Variants in PSD3 observed in about 807,000 individuals in gnomAD.
PSD3 encodes PH and SEC7 domain-containing protein 3.
PSD3 carries 49 observed loss-of-function variants against 105.5 expected under a neutral mutation model. That is an observed-to-expected ratio of 0.46 (90% CI 0.37 to 0.59). PSD3 has a LOEUF of 0.59. Among genes scored for constraint, PSD3 ranks in the 20% least tolerant of loss-of-function variants. The probability of loss-of-function intolerance (pLI) is 0.00; values close to 1 mark genes in which losing one functional copy is unlikely to be tolerated. For missense variants in PSD3, 1,561 were observed against 1,263.8 expected, an observed-to-expected ratio of 1.24 and a Z score of -3.57; for synonymous variants, 557 against 457.8, an observed-to-expected ratio of 1.22 and a Z score of -2.77.
At chr8:19,064,599 A>C (rs1829015813) in intron 1 of PSD3, among the ~76,000 whole-genome samples, 1 of 152,216 alleles carries the variant, frequency 6.6e-6, no homozygotes, top group African/African-American at 2.4e-5. Flanking sequence ...GCTGCTCAGC[A>C]GATTAATCTT....
chr8:18,725,998 G>C (rs185609281), intron 9 of PSD3, among the ~76,000 whole-genome samples: 2 of 152,304 alleles, frequency 1.3e-5, no homozygotes, highest in African/African-American at 4.8e-5. Context: ...AAAACAGCTT[G>C]AGGTAACAAC....
In PSD3 at chr8:19,080,062, A is replaced by G. The variant is rs184215361; in HGVS notation, c.324+4144T>C. On this transcript the variant is annotated intron_variant, in intron 1 of 1. Coordinates refer to the PSD3 transcript ENST00000521475. The stretch of plus-strand genomic sequence containing the variant: ...CCACCACCATGCCTGGCTAATTTTT[A>G]TATTTCTAGTAGAAATGGGGTTTCA... 1.2e-4 allele frequency among the ~76,000 whole-genome samples: 19 copies of G among 152,028 alleles called. 1 individual carries two copies. The East Asian group carries it at 3.3e-3, about 26-fold the overall frequency.
intron 8 of PSD3, among the ~76,000 whole-genome samples, chr8:18,784,223 G>A (rs148194135): frequency 4.2e-4 from 64 of 152,168 alleles, no homozygotes; most frequent in Non-Finnish European, 6.9e-4. Context: ...GATATCGTGC[G>A]TGGTGATTCT....
intron 1 of PSD3, among the ~76,000 whole-genome samples, chr8:19,054,765 A>G (rs1470102193): frequency 6.6e-6 from 1 of 152,256 alleles, no homozygotes; most frequent in Admixed American, 6.5e-5. Context: ...TTATCGCTTG[A>G]TAACATCTGA....
chr8:18,566,076 G>A (rs1347948953), intron 14 of PSD3, among the ~76,000 whole-genome samples: 2 of 152,138 alleles, frequency 1.3e-5, no homozygotes, highest in African/African-American at 4.8e-5. Flanking sequence ...GGATTTGCTG[G>A]AGGCACACTA....
At chr8:19,044,635 C>T (rs1030198037) in intron 1 of PSD3, among the ~76,000 whole-genome samples, 7 of 152,152 alleles carry the variant, frequency 4.6e-5, no homozygotes, top group Non-Finnish European at 1.0e-4. Context: ...ACTTTTAACG[C>T]CAGGTAATTG....
chr8:18,835,971 G>A (rs998819308), intron 4 of PSD3, among the ~76,000 whole-genome samples: 16 of 152,316 alleles, frequency 1.1e-4, no homozygotes, highest in African/African-American at 3.8e-4. Flanking sequence ...AAAGACTAAA[G>A]CAGGGTGTTA....
intron 2 of PSD3, among the ~76,000 whole-genome samples, chr8:18,896,875 A>T (rs1819183972): frequency 1.3e-5 from 2 of 151,546 alleles, no homozygotes; most frequent in Non-Finnish European, 1.5e-5. Context: ...CAATGGCATG[A>T]TCTCGGCTCA....
intron 15 of PSD3, among the ~76,000 whole-genome samples, chr8:18,540,567 T>G (rs1800098878): frequency 6.6e-6 from 1 of 152,164 alleles, no homozygotes; most frequent in South Asian, 2.1e-4. Context: ...GTCAGCAGGT[T>G]TTGTCCATCT....
chr8:18,640,859 T>C (rs541212924), intron 10 of PSD3, among the ~76,000 whole-genome samples: 2 of 152,194 alleles, frequency 1.3e-5, no homozygotes, highest in Admixed American at 6.5e-5. Context: ...ACTACTTCTT[T>C]GGCATCAGGT....
At chr8:18,836,580 G>A (rs932640608) in intron 4 of PSD3, among the ~76,000 whole-genome samples, 6 of 152,048 alleles carry the variant, frequency 3.9e-5, no homozygotes, top group South Asian at 2.1e-4. Flanking sequence ...CATTTGTCCC[G>A]CCATATCCAT....
At chr8:18,999,085 A>C (rs979101439) in intron 1 of PSD3, among the ~76,000 whole-genome samples, 1 of 152,068 alleles carries the variant, frequency 6.6e-6, no homozygotes, top group South Asian at 2.1e-4. Context: ...TGTACACAAC[A>C]TAAGTGATGT....
chr8:18,650,189 T>C (rs192638461), intron 10 of PSD3, among the ~76,000 whole-genome samples: 1 of 152,352 alleles, frequency 6.6e-6, no homozygotes, highest in Admixed American at 6.5e-5. Context: ...GTGTTAATCG[T>C]TGTATTTTCT....
intron 1 of PSD3, among the ~76,000 whole-genome samples, chr8:18,995,005 T>C (rs1040267668): frequency 6.6e-6 from 1 of 151,958 alleles, no homozygotes; most frequent in Non-Finnish European, 1.5e-5. Context: ...CATTAGCCAG[T>C]GGTGACTTTC....
intron 9 of PSD3, among the ~76,000 whole-genome samples, chr8:18,713,626 T>C (rs1420558256): frequency 6.6e-6 from 1 of 151,888 alleles, no homozygotes; most frequent in Non-Finnish European, 1.5e-5. Flanking sequence ...CCCAAGGAAA[T>C]CAGATGATGC....
chr8:18,910,651 A>G (rs1242727172), intron 2 of PSD3, among the ~76,000 whole-genome samples: 2 of 149,648 alleles, frequency 1.3e-5, no homozygotes, highest in African/African-American at 2.4e-5. Flanking sequence ...AAAAAAAAAA[A>G]AAAAAAAAGA....
Position 18,570,996 on chromosome 8 carries a change from A to T in PSD3, c.2784+1532T>A, listed in dbSNP as rs1021687691. On this transcript the variant is annotated intron_variant, in intron 14 of 15. Coordinates refer to ENST00000327040, the MANE Select transcript of PSD3 (RefSeq NM_015310.4). ...TGTGTCCACCTCCCAAGTAGCTGGG[A>T]TTACAGTCATCCACCACTGCGCCTG... 5.9e-5 allele frequency among the ~76,000 whole-genome samples: 9 copies of T among 152,098 alleles called. No individual in the cohort carries two copies. The East Asian group carries it at 7.8e-4, about 13-fold the overall frequency.
At chr8:18,635,305 G>C (rs907638565) in intron 10 of PSD3, among the ~76,000 whole-genome samples, 4 of 152,042 alleles carry the variant, frequency 2.6e-5, no homozygotes, top group African/African-American at 9.7e-5. Context: ...ACAGTATTTA[G>C]AAATCAAATC....
At chr8:18,765,311 G>A (rs915608160) in intron 9 of PSD3, 138 bp downstream of exon 9, 4 of 706,968 alleles carry the variant, frequency 5.7e-6, no homozygotes, top group Non-Finnish European at 9.7e-6. Context: ...TCAAGGACAA[G>A]GCTTAAAAGA....
Sources: gnomAD v4.1 joint callset for allele counts (sites outside exome capture counted in the v4.1 genomes callset) on GRCh38, gnomAD v4.1.1 for gene constraint, MANE v1.5 for transcripts, NCBI Gene and HGNC (gene_info 2026-07-23, HGNC 2026-07-21) for gene names.